Variants in NKAIN2 observed in about 807,000 individuals in gnomAD.
NKAIN2 encodes the protein sodium/potassium-transporting ATPase subunit beta-1-interacting protein 2.
Under a neutral mutation model 32.6 loss-of-function variants are expected in NKAIN2, and 14 were observed. The observed-to-expected ratio is 0.43, with a 90% CI of 0.28 to 0.67. The LOEUF is 0.67. NKAIN2 is among the 30% of genes least tolerant of loss of function. The pLI, the probability that NKAIN2 is intolerant of heterozygous loss-of-function variation, is 0.17. For synonymous variants in NKAIN2, 80 were observed against 87.2 expected (o/e 0.92, Z 0.46); for missense variants, 198 against 258.3 (o/e 0.77, Z 1.60).
At chr6:124,017,340 G>A (rs72974555) in intron 1 of NKAIN2, among the ~76,000 whole-genome samples, 19,164 of 152,112 alleles carry the variant, frequency 0.13, 1,488 homozygotes, top group Admixed American at 0.21. Context: ...GGACACAGAC[G>A]AACTGTATTA....
chr6:124,139,151 C>G (rs1228456347), intron 1 of NKAIN2, among the ~76,000 whole-genome samples: 3 of 138,036 alleles, frequency 2.2e-5, no homozygotes, highest in African/African-American at 5.6e-5. Context: ...TGCAGTGGCG[C>G]AATCTCGGCT....
chr6:124,323,913 G>A lies in NKAIN2; in HGVS notation c.193-31354G>A, dbSNP rs531985741. 9.4e-5 allele frequency among the ~76,000 whole-genome samples: 14 copies of A among 149,620 alleles called. No individual in the cohort carries two copies. In the East Asian group the frequency reaches 1.9e-3, roughly 20 times the overall value. On this transcript the variant is annotated intron_variant, in intron 2 of 6. Transcript: ENST00000368417. ...TGCCATTCTCCTGCCTCAGCCTCCC[G>A]AGGAGCTGGGACTACAGGCGCCTGC...
intron 2 of NKAIN2, among the ~76,000 whole-genome samples, chr6:124,342,844 A>ATTATTATTATTG (rs1562500668): frequency 8.4e-6 from 1 of 118,770 alleles, no homozygotes; most frequent in Non-Finnish European, 1.8e-5. Flanking sequence ...TATTATTATT[A>ATTATTATTATTG]TTATACTTTA....
intron 4 of NKAIN2, among the ~76,000 whole-genome samples, chr6:124,757,233 T>C (rs1178977793): frequency 2.6e-5 from 4 of 152,202 alleles, no homozygotes; most frequent in Admixed American, 2.6e-4. Context: ...TCTGATGTGA[T>C]CTTCCATTCA....
intron 3 of NKAIN2, among the ~76,000 whole-genome samples, chr6:124,618,136 A>C (rs1312101440): frequency 6.6e-6 from 1 of 152,192 alleles, no homozygotes; most frequent in African/African-American, 2.4e-5. Context: ...TTAGTTAACC[A>C]CTCTGGTAGT....
chr6:124,758,002 C>T (rs2114726717), intron 4 of NKAIN2, among the ~76,000 whole-genome samples: 1 of 152,256 alleles, frequency 6.6e-6, no homozygotes, highest in South Asian at 2.1e-4. Context: ...GTTGTGAATA[C>T]TTACAGTATC....
chr6:124,731,070 G>T (rs1384362316), intron 4 of NKAIN2, among the ~76,000 whole-genome samples: 51 of 144,296 alleles, frequency 3.5e-4, no homozygotes, highest in African/African-American at 1.2e-3. Context: ...AACAGGTGCT[G>T]GAGAGGATGT....
chr6:124,633,817 T>C (rs923264343), intron 3 of NKAIN2, among the ~76,000 whole-genome samples: 7 of 152,300 alleles, frequency 4.6e-5, no homozygotes, highest in African/African-American at 1.4e-4. Flanking sequence ...GGCCTACCTC[T>C]ACTACCACCA....
intron 3 of NKAIN2, among the ~76,000 whole-genome samples, chr6:124,586,290 C>A (rs1188244187): frequency 6.6e-6 from 1 of 152,198 alleles, no homozygotes; most frequent in African/African-American, 2.4e-5. Flanking sequence ...ATGGAACTCT[C>A]ATACATCAGA....
At chr6:124,707,857 C>T (rs1033233652) in intron 4 of NKAIN2, among the ~76,000 whole-genome samples, 1 of 152,148 alleles carries the variant, frequency 6.6e-6, no homozygotes, top group South Asian at 2.1e-4. Context: ...TAGATCCCAT[C>T]TGTGAATTTT....
chr6:124,721,352 G>A (rs902573704), intron 4 of NKAIN2, among the ~76,000 whole-genome samples: 1 of 150,300 alleles, frequency 6.7e-6, no homozygotes, highest in Non-Finnish European at 1.5e-5. Flanking sequence ...TGCAGTGAGC[G>A]GAGATCGCGC....
intron 1 of NKAIN2, among the ~76,000 whole-genome samples, chr6:123,980,867 C>T (rs1341958362): frequency 3.3e-5 from 5 of 150,794 alleles, no homozygotes; most frequent in African/African-American, 1.2e-4. Context: ...TGCTTTTTTT[C>T]ACTTATCCTT....
chr6:124,748,886 T>C (rs1294664861), intron 4 of NKAIN2, among the ~76,000 whole-genome samples: 8 of 151,446 alleles, frequency 5.3e-5, no homozygotes, highest in African/African-American at 1.7e-4. Context: ...GTATATTCGT[T>C]TTCTATTGCA....
rs1035598423 is a variant in NKAIN2, at chr6:124,287,961, C to T, written c.192+4819C>T. On this transcript the variant is annotated intron_variant, in intron 2 of 6. Coordinates refer to ENST00000368417, the MANE Select transcript of NKAIN2 (RefSeq NM_001040214.3). ...CCAAAAATAAATTATTTCTCCCCCCCTCTCCCTTTCTTCCTTCCTTCTTTC... is the reference window on the plus strand; with the variant it reads ...CCAAAAATAAATTATTTCTCCCCCCTTCTCCCTTTCTTCCTTCCTTCTTTC... 1.3e-4 allele frequency among the ~76,000 whole-genome samples: 12 copies of T among 90,950 alleles called. No homozygotes were observed. In the East Asian group the frequency reaches 1.7e-3, roughly 13 times the overall value. 59.7% of individuals were successfully genotyped at this position (90,950 alleles called of 152,430 possible). A position where few individuals can be genotyped will look rare whatever the true frequency, so the allele number is the denominator to read the frequency against.
chr6:124,774,356 G>A (rs1286859279), intron 4 of NKAIN2, among the ~76,000 whole-genome samples: 1 of 152,162 alleles, frequency 6.6e-6, no homozygotes, highest in African/African-American at 2.4e-5. Context: ...TCAAGGATGA[G>A]TCCACAAGCT....
At chr6:124,692,767 G>A (rs1019535181) in intron 4 of NKAIN2, among the ~76,000 whole-genome samples, 1 of 150,958 alleles carries the variant, frequency 6.6e-6, no homozygotes, top group Non-Finnish European at 1.5e-5. Flanking sequence ...AGTGAGCCGA[G>A]ATCACACCAC....
At chr6:124,404,171 C>T (rs1773745314) in intron 3 of NKAIN2, among the ~76,000 whole-genome samples, 1 of 151,966 alleles carries the variant, frequency 6.6e-6, no homozygotes, top group Non-Finnish European at 1.5e-5. Context: ...CTGTTGCTTG[C>T]CTGGGGGTGC....
intron 1 of NKAIN2, among the ~76,000 whole-genome samples, chr6:124,013,079 C>A (rs546143055): frequency 6.1e-4 from 93 of 152,252 alleles, no homozygotes; most frequent in Admixed American, 9.2e-4. Context: ...TCCTTAATAA[C>A]TAACGATGAT....
intron 1 of NKAIN2, among the ~76,000 whole-genome samples, chr6:123,937,302 T>G (rs1166728047): frequency 6.6e-6 from 1 of 152,110 alleles, no homozygotes; most frequent in Non-Finnish European, 1.5e-5. Context: ...GGATGTGTCT[T>G]GATTTCTAGA....
Sources: gnomAD v4.1 joint callset for allele counts (sites outside exome capture counted in the v4.1 genomes callset) on GRCh38, gnomAD v4.1.1 for gene constraint, MANE v1.5 for transcripts, NCBI Gene and HGNC (gene_info 2026-07-23, HGNC 2026-07-21) for gene names.